Variants in ZC3H12B observed in about 807,000 individuals in gnomAD.
ZC3H12B encodes the protein zinc finger CCCH-type containing 12B.
A neutral mutation model predicts 43.9 loss-of-function variants in ZC3H12B; 7 were observed. The observed-to-expected ratio is 0.16, with a 90% confidence interval of 0.09 to 0.30. ZC3H12B has a LOEUF of 0.30. Among genes scored for constraint, ZC3H12B ranks in the 10% least tolerant of loss-of-function variants. The probability of loss-of-function intolerance (pLI) is 1.00; values close to 1 mark genes in which losing one functional copy is unlikely to be tolerated. For synonymous variants in ZC3H12B, 222 were observed against 241.7 expected (o/e 0.92, Z 0.76); for missense variants, 475 against 670.2 (o/e 0.71, Z 3.22).
the ZC3H12B span, among the ~76,000 whole-genome samples, chrX:65,289,674 C>A: frequency 2.7e-5 from 3 of 109,807 alleles, no homozygotes; most frequent in South Asian, 1.1e-3. Context: ...AATAGAGAAT[C>A]AAGAAATAAA....
chrX:65,498,842 C>G (rs756979368), intron 2 of ZC3H12B, among the ~76,000 whole-genome samples, 157 bp from the exon 8 acceptor site: 1 of 112,027 alleles, frequency 8.9e-6, no homozygotes, highest in Non-Finnish European at 1.9e-5. Flanking sequence ...AGGTCATAAT[C>G]CAGATTGATA....
chrX:65,121,037 C>T, the ZC3H12B span, among the ~76,000 whole-genome samples: 1 of 111,130 alleles, frequency 9.0e-6, no homozygotes, highest in Admixed American at 9.6e-5. Context: ...TGATGTACTG[C>T]AGGATTCTTT....
the ZC3H12B span, among the ~76,000 whole-genome samples, chrX:65,321,214 A>C: frequency 1.8e-5 from 2 of 112,033 alleles, no homozygotes. Context: ...AACTCAATTA[A>C]AAAGTGGACA....
the ZC3H12B span, among the ~76,000 whole-genome samples, chrX:65,109,444 A>G: frequency 8.9e-6 from 1 of 111,943 alleles, no homozygotes; most frequent in Admixed American, 9.5e-5. Flanking sequence ...AAATGTAATC[A>G]TAACATTTGT....
At chrX:65,360,446 AAAG>A in the ZC3H12B span, among the ~76,000 whole-genome samples, 1 of 112,484 alleles carries the variant, frequency 8.9e-6, no homozygotes, top group South Asian at 3.6e-4. Context: ...AAATGCAGGA[AAAG>A]AAGCTCAGTA....
the ZC3H12B span, among the ~76,000 whole-genome samples, chrX:65,249,698 G>A: frequency 9.3e-6 from 1 of 107,721 alleles, no homozygotes; most frequent in Admixed American, 1.0e-4. Flanking sequence ...CATGGGATAT[G>A]TTTCATTTCT....
upstream of ZC3H12B, among the ~76,000 whole-genome samples, chrX:65,362,992 C>A (rs1354336991): frequency 9.0e-6 from 1 of 110,938 alleles, no homozygotes; most frequent in Admixed American, 9.6e-5. Context: ...TATTCCTTTG[C>A]ACCCTTCATC....
chrX:65,199,466 G>C, the ZC3H12B span, among the ~76,000 whole-genome samples: 1 of 110,214 alleles, frequency 9.1e-6, no homozygotes, highest in Non-Finnish European at 1.9e-5. Context: ...TAAGTTCAGG[G>C]GTACATGAGC....
chrX:65,295,741 G>A, the ZC3H12B span, among the ~76,000 whole-genome samples: 2 of 111,464 alleles, frequency 1.8e-5, no homozygotes, highest in South Asian at 7.4e-4. Context: ...TAAAACCACA[G>A]AAATACAAAA....
intron 3 of ZC3H12B, among the ~76,000 whole-genome samples, chrX:65,401,950 G>A (rs2066768165): frequency 8.9e-6 from 1 of 112,034 alleles, no homozygotes; most frequent in African/African-American, 3.2e-5. Flanking sequence ...GCAAGCCTCT[G>A]AAATTGCTGG....
chrX:65,074,781 T>C, the ZC3H12B span, among the ~76,000 whole-genome samples: 1 of 112,250 alleles, frequency 8.9e-6, no homozygotes, highest in African/African-American at 3.2e-5. Context: ...AGTTCACTTA[T>C]TGTATTCTTT....
intron 1 of ZC3H12B, among the ~76,000 whole-genome samples, chrX:65,492,601 G>T (rs183585344): frequency 2.7e-5 from 3 of 111,769 alleles, no homozygotes; most frequent in Admixed American, 9.5e-5. Flanking sequence ...GTAAATTACC[G>T]TTAAGTCCCA....
intron 3 of ZC3H12B, among the ~76,000 whole-genome samples, chrX:65,449,807 AC>A (rs1246085888): frequency 9.0e-6 from 1 of 110,803 alleles, no homozygotes; most frequent in Non-Finnish European, 1.9e-5. Flanking sequence ...AGCTATGCAT[AC>A]ACAAAGGCAT....
chrX:65,060,953 G>T, the ZC3H12B span, among the ~76,000 whole-genome samples: 2 of 111,183 alleles, frequency 1.8e-5, no homozygotes, highest in South Asian at 3.8e-4. Context: ...CTTGTTATTG[G>T]TCTGTTCAGG....
the ZC3H12B span, among the ~76,000 whole-genome samples, chrX:65,344,809 A>C: frequency 1.8e-5 from 2 of 112,519 alleles, no homozygotes; most frequent in African/African-American, 6.5e-5. Context: ...TTTGCAAACT[A>C]TGCATCTGAC....
chrX:65,206,624 C>T, the ZC3H12B span, among the ~76,000 whole-genome samples: 1 of 101,247 alleles, frequency 9.9e-6, no homozygotes, highest in Non-Finnish European at 1.9e-5. Context: ...TGACCAAGAA[C>T]CCAAAATCAA....
At chrX:65,446,901 A>G (rs970731267) in intron 3 of ZC3H12B, among the ~76,000 whole-genome samples, 4 of 111,596 alleles carry the variant, frequency 3.6e-5, no homozygotes, top group South Asian at 7.5e-4. Context: ...TGTTGTGGAG[A>G]CAATTACTGG....
the ZC3H12B span, among the ~76,000 whole-genome samples, chrX:65,179,282 A>C: frequency 6.3e-5 from 7 of 110,287 alleles, no homozygotes; most frequent in Non-Finnish European, 1.1e-4. Context: ...GGGGAGGGAT[A>C]GCATTAGAAG....
At chrX:65,206,216 G>A in the ZC3H12B span, among the ~76,000 whole-genome samples, 1 of 111,870 alleles carries the variant, frequency 8.9e-6, no homozygotes, top group Non-Finnish European at 1.9e-5. Context: ...GCAAGACTAA[G>A]TAAAAAGAAC....
Sources: gnomAD v4.1 joint callset for allele counts (sites outside exome capture counted in the v4.1 genomes callset) on GRCh38, gnomAD v4.1.1 for gene constraint, MANE v1.5 for transcripts, NCBI Gene and HGNC (gene_info 2026-07-23, HGNC 2026-07-21) for gene names.